The following PAM variants were observed in gnomAD, a reference collection of about 807,000 sequenced individuals.
PAM encodes the protein peptidyl-glycine alpha-amidating monooxygenase.
A neutral mutation model predicts 122.1 loss-of-function variants in PAM; 72 were observed. That is an observed-to-expected ratio of 0.59 (90% CI 0.49 to 0.72). The LOEUF is 0.72. PAM is among the 30% of genes least tolerant of loss of function. PAM has a pLI of 0.00. For synonymous variants in PAM, 389 were observed against 404.4 expected (o/e 0.96, Z 0.46); for missense variants, 1,106 against 1,183.7 (o/e 0.93, Z 0.96).
At chr5:102,887,442 C>A (rs1481376212) in intron 3 of PAM, among the ~76,000 whole-genome samples, 2 of 151,878 alleles carry the variant, frequency 1.3e-5, no homozygotes, top group African/African-American at 2.4e-5. Context: ...ATGAGCCAAC[C>A]TTTTTTCTTG....
intron 16 of PAM, among the ~76,000 whole-genome samples, chr5:102,999,961 G>A (rs926507802): frequency 6.6e-6 from 1 of 152,146 alleles, no homozygotes; most frequent in Non-Finnish European, 1.5e-5. Context: ...TTGGCTCCTC[G>A]TTACTTATGC....
chr5:102,919,294 G>A (rs1746533570), intron 5 of PAM, among the ~76,000 whole-genome samples: 1 of 151,992 alleles, frequency 6.6e-6, no homozygotes, highest in South Asian at 2.1e-4. Context: ...GAGATACTCT[G>A]CTTGGGTACT....
chr5:102,814,621 A>C (rs899489541), intron 1 of PAM, among the ~76,000 whole-genome samples: 1 of 150,024 alleles, frequency 6.7e-6, no homozygotes, highest in African/African-American at 2.4e-5. Context: ...TGATATGTAT[A>C]TAGAGGATAA....
At chr5:102,862,662 G>A (rs988786836) in intron 1 of PAM, among the ~76,000 whole-genome samples, 6 of 152,154 alleles carry the variant, frequency 3.9e-5, no homozygotes, top group Admixed American at 1.3e-4. Context: ...ATATATATTT[G>A]TTGCAACAAC....
chr5:102,782,501 A>G (rs1759252650), intron 1 of PAM, among the ~76,000 whole-genome samples: 2 of 152,350 alleles, frequency 1.3e-5, no homozygotes, highest in East Asian at 1.9e-4. Flanking sequence ...TGTTTTAGAA[A>G]GATACTTGAA....
chr5:102,945,658 C>A (rs957776480), intron 7 of PAM, among the ~76,000 whole-genome samples: 2 of 151,976 alleles, frequency 1.3e-5, no homozygotes, highest in Admixed American at 6.6e-5. Context: ...TTCTCCCCCC[C>A]TCTCTCCTTT....
intron 14 of PAM, among the ~76,000 whole-genome samples, chr5:102,971,292 G>A (rs529521074): frequency 6.6e-6 from 1 of 152,284 alleles, no homozygotes; most frequent in South Asian, 2.1e-4. Context: ...ACTGGACTGG[G>A]TATTTTAATA....
At chr5:102,864,180 A>AT (rs1292787895) in intron 1 of PAM, among the ~76,000 whole-genome samples, 1 of 138,662 alleles carries the variant, frequency 7.2e-6, no homozygotes, top group African/African-American at 2.9e-5. Flanking sequence ...ATATATATAT[A>AT]TATATTTTTT....
chr5:102,961,921 T>A (rs1431712872), intron 14 of PAM, among the ~76,000 whole-genome samples: 1 of 151,926 alleles, frequency 6.6e-6, no homozygotes, highest in Non-Finnish European at 1.5e-5. Flanking sequence ...TTTGTTATCC[T>A]AAAAAGTTGT....
intron 5 of PAM, among the ~76,000 whole-genome samples, chr5:102,919,270 A>G (rs1402425769): frequency 1.3e-5 from 2 of 152,114 alleles, no homozygotes; most frequent in Non-Finnish European, 2.9e-5. Context: ...ATATATATAT[A>G]TATGCCTGTA....
intron 3 of PAM, among the ~76,000 whole-genome samples, chr5:102,880,991 G>A (rs183353422): frequency 1.3e-5 from 2 of 152,106 alleles, no homozygotes; most frequent in Admixed American, 1.3e-4. Flanking sequence ...GCAACTGTGT[G>A]TCAGTATATT....
intron 24 of PAM, among the ~76,000 whole-genome samples, chr5:103,026,717 G>C (rs1051035735): frequency 6.6e-6 from 1 of 152,112 alleles, no homozygotes. Flanking sequence ...AAGAATGAAT[G>C]AATAAATCAA....
chr5:102,819,669 T>G (rs1394418863), intron 1 of PAM, among the ~76,000 whole-genome samples: 3 of 152,204 alleles, frequency 2.0e-5, no homozygotes, highest in African/African-American at 7.2e-5. Context: ...GATTTTGTTC[T>G]TAATCAACAG....
intron 4 of PAM, among the ~76,000 whole-genome samples, chr5:102,907,784 C>T (rs1398690439): frequency 2.0e-5 from 3 of 152,042 alleles, no homozygotes; most frequent in African/African-American, 7.2e-5. Flanking sequence ...TGAGAAGTGT[C>T]TGTTCATGTC....
intron 1 of PAM, among the ~76,000 whole-genome samples, chr5:102,784,643 T>C (rs1397902413): frequency 6.6e-6 from 1 of 152,206 alleles, no homozygotes; most frequent in Non-Finnish European, 1.5e-5. Flanking sequence ...TACATATATG[T>C]AGAATTGAAT....
chr5:102,849,555 C>CAAAA (rs538988180), intron 1 of PAM, among the ~76,000 whole-genome samples: 1 of 73,500 alleles, frequency 1.4e-5, no homozygotes, highest in African/African-American at 4.1e-5. Flanking sequence ...AAGACTGTCT[C>CAAAA]AAAAAAAAAA....
At chr5:102,834,104 G>T (rs1776231159) in intron 1 of PAM, among the ~76,000 whole-genome samples, 1 of 152,102 alleles carries the variant, frequency 6.6e-6, no homozygotes, top group Admixed American at 6.5e-5. Flanking sequence ...TTATGAATAT[G>T]TTGGAACTTG....
At chr5:103,029,995 A>C (rs1786029456), downstream of PAM, 1 of 152,206 alleles carries the variant, frequency 6.6e-6, no homozygotes, top group Non-Finnish European at 1.5e-5. Context: ...AGGTAATCAC[A>C]GCTAAGTGGA....
chr5:102,773,564 T>TA (rs1326611661), intron 1 of PAM, among the ~76,000 whole-genome samples: 4 of 152,028 alleles, frequency 2.6e-5, no homozygotes, highest in Admixed American at 6.6e-5. Flanking sequence ...TTAAAAAATG[T>TA]AAAAAAACAT....
Sources: allele counts gnomAD v4.1 joint callset (sites outside exome capture counted in the v4.1 genomes callset), GRCh38; gene constraint gnomAD v4.1.1; transcripts MANE v1.5; gene names NCBI Gene and HGNC (gene_info 2026-07-23, HGNC 2026-07-21).